Variants in PPARGC1A observed in about 807,000 individuals in gnomAD.
PPARGC1A encodes the protein PPARG coactivator 1 alpha.
A neutral mutation model predicts 88.7 loss-of-function variants in PPARGC1A; 25 were observed. That is an observed-to-expected ratio of 0.28 (90% CI 0.21 to 0.39). PPARGC1A has a LOEUF of 0.39. PPARGC1A is among the 10% of genes least tolerant of loss of function. The probability of loss-of-function intolerance (pLI) is 1.00; values close to 1 mark genes in which losing one functional copy is unlikely to be tolerated. For synonymous variants in PPARGC1A, 363 were observed against 355.6 expected, an observed-to-expected ratio of 1.02 and a Z score of -0.24; for missense variants, 880 against 968.7, an observed-to-expected ratio of 0.91 and a Z score of 1.22.
chr4:24,145,758 G>T, the PPARGC1A span, among the ~76,000 whole-genome samples: 2 of 152,170 alleles, frequency 1.3e-5, no homozygotes, highest in Non-Finnish European at 2.9e-5. Flanking sequence ...CATAACAAAC[G>T]AATAGCAAAT....
At chr4:23,906,536 G>T (rs149672631), upstream of PPARGC1A, among the ~76,000 whole-genome samples, 1 of 150,664 alleles carries the variant, frequency 6.6e-6, no homozygotes, top group African/African-American at 2.5e-5. Flanking sequence ...GAACCCAGGA[G>T]GTGGAGGTTG....
the PPARGC1A span, among the ~76,000 whole-genome samples, chr4:24,427,470 G>GGGTTCCA: frequency 4.0e-5 from 6 of 151,806 alleles, no homozygotes; most frequent in African/African-American, 1.5e-4. Context: ...TGGTAGAGAG[G>GGGTTCCA]GGTTCCACCA....
the PPARGC1A span, among the ~76,000 whole-genome samples, chr4:24,137,675 T>C: frequency 3.3e-5 from 5 of 152,108 alleles, no homozygotes; most frequent in Non-Finnish European, 5.9e-5. Context: ...ACAGTGGGCA[T>C]AGAGAATCGC....
the PPARGC1A span, among the ~76,000 whole-genome samples, chr4:24,042,394 C>G: frequency 6.6e-5 from 10 of 152,196 alleles, no homozygotes; most frequent in African/African-American, 2.4e-4. Context: ...GAGCATCTTT[C>G]TATAGATGAA....
the PPARGC1A span, among the ~76,000 whole-genome samples, chr4:24,193,312 C>G: frequency 0.02 from 3,085 of 152,228 alleles, 42 homozygotes; most frequent in East Asian, 0.057. Flanking sequence ...GGATCTCTAC[C>G]ACAGTAACAT....
chr4:24,191,117 T>A, the PPARGC1A span, among the ~76,000 whole-genome samples: 1 of 152,138 alleles, frequency 6.6e-6, no homozygotes, highest in Non-Finnish European at 1.5e-5. Flanking sequence ...CCAGTGACAT[T>A]AACAAGGCAT....
chr4:24,362,874 C>CGG, the PPARGC1A span, among the ~76,000 whole-genome samples: 1 of 152,052 alleles, frequency 6.6e-6, no homozygotes, highest in Non-Finnish European at 1.5e-5. Context: ...CAAGCACATT[C>CGG]GGAAGCTCCT....
chr4:23,886,443 G>T (rs1560515374), intron 1 of PPARGC1A, among the ~76,000 whole-genome samples: 1 of 152,010 alleles, frequency 6.6e-6, no homozygotes, highest in South Asian at 2.1e-4. Flanking sequence ...GGGAGGATGG[G>T]GGGAGACTGA....
the PPARGC1A span, among the ~76,000 whole-genome samples, chr4:24,437,641 A>T: frequency 1.4e-5 from 2 of 143,490 alleles, no homozygotes; most frequent in African/African-American, 2.6e-5. Flanking sequence ...TTGTTGTTTT[A>T]GTTTTGGTTT....
the PPARGC1A span, among the ~76,000 whole-genome samples, chr4:24,433,670 CTA>C: frequency 6.6e-6 from 1 of 152,110 alleles, no homozygotes; most frequent in Non-Finnish European, 1.5e-5. Context: ...ATGTGGGATG[CTA>C]TGTTGCAGCC....
the PPARGC1A span, among the ~76,000 whole-genome samples, chr4:24,444,031 T>C: frequency 6.6e-6 from 1 of 151,940 alleles, no homozygotes. Flanking sequence ...ATTTCGTCGT[T>C]GTTGTTGTTA....
At chr4:24,116,707 A>G in the PPARGC1A span, among the ~76,000 whole-genome samples, 1 of 152,168 alleles carries the variant, frequency 6.6e-6, no homozygotes, top group Non-Finnish European at 1.5e-5. Context: ...GGAACCAAGG[A>G]ACACGAAGAA....
At chr4:24,423,625 G>GTCATTGGTTGAGTTTTTA in the PPARGC1A span, among the ~76,000 whole-genome samples, 2 of 152,056 alleles carry the variant, frequency 1.3e-5, no homozygotes, top group Non-Finnish European at 2.9e-5. Context: ...TTGAGTTTTT[G>GTCATTGGTTGAGTTTTTA]TCATTGGTTG....
chr4:24,041,666 T>A, the PPARGC1A span, among the ~76,000 whole-genome samples: 71,830 of 151,764 alleles, frequency 0.47, 18,311 homozygotes, highest in Non-Finnish European at 0.59. Flanking sequence ...TATATAGAGA[T>A]CATTCTCTGC....
At chr4:24,447,686 G>A in the PPARGC1A span, among the ~76,000 whole-genome samples, 1 of 152,096 alleles carries the variant, frequency 6.6e-6, no homozygotes, top group East Asian at 1.9e-4. Context: ...CAAAGGACAG[G>A]GACCACGTCC....
the PPARGC1A span, among the ~76,000 whole-genome samples, chr4:24,092,508 T>C: frequency 1.3e-5 from 2 of 152,176 alleles, no homozygotes; most frequent in Non-Finnish European, 2.9e-5. Flanking sequence ...CAGAGTATCA[T>C]TTCAAATTTC....
At chr4:24,471,012 G>A in the PPARGC1A span, among the ~76,000 whole-genome samples, 1 of 151,344 alleles carries the variant, frequency 6.6e-6, no homozygotes, top group Non-Finnish European at 1.5e-5. This position sits in a 1 kb window ranked among gnomAD's most constrained non-coding sequence, Gnocchi z 5.4. Context: ...GCTGCGCCCC[G>A]GGCCCGGGAG....
At chr4:23,868,818 C>A (rs1206542640) in intron 2 of PPARGC1A, among the ~76,000 whole-genome samples, 1 of 152,206 alleles carries the variant, frequency 6.6e-6, no homozygotes, top group African/African-American at 2.4e-5. Context: ...TGTGACAATA[C>A]CGTTTATGGA....
At chr4:24,201,123 T>C in the PPARGC1A span, among the ~76,000 whole-genome samples, 2 of 152,214 alleles carry the variant, frequency 1.3e-5, no homozygotes, top group African/African-American at 4.8e-5. Flanking sequence ...CACTTAAGTA[T>C]TTAGAAATTA....
Sources: gnomAD v4.1 joint callset for allele counts (sites outside exome capture counted in the v4.1 genomes callset) on GRCh38, gnomAD v4.1.1 for gene constraint, Gnocchi (gnomAD v3.1) non-coding constraint, MANE v1.5 for transcripts, NCBI Gene and HGNC (gene_info 2026-07-23, HGNC 2026-07-21) for gene names.